The following SPTA1 variants were observed in gnomAD, a reference collection of about 807,000 sequenced individuals.
The protein encoded by SPTA1 is spectrin alpha, erythrocytic 1.
In SPTA1, 177 loss-of-function variants were observed where a neutral mutation model predicts 324.7. The observed-to-expected ratio is 0.55, with a 90% confidence interval of 0.48 to 0.62. The LOEUF is 0.62. SPTA1 is among the 20% of genes least tolerant of loss of function. The pLI is 0.00. For synonymous variants in SPTA1, 1,195 were observed against 1,041.3 expected (o/e 1.15, Z -2.84); for missense variants, 3,162 against 2,883.6 (o/e 1.10, Z -2.21).
chr1:158,647,664 A>C lies in SPTA1; in HGVS notation c.3771T>G (p.Thr1257=), dbSNP rs1652099546. The change falls in exon 27 of 52, where the codon ACT becomes ACG. Residue 1257 remains threonine, a synonymous_variant. Coordinates refer to ENST00000643759, the MANE Select transcript of SPTA1 (RefSeq NM_003126.4). ...CCATTTTCTGTCTCTGCAGGTCCTC[A>C]GTGGCATCTGGATGGGACTCACTGA... ...ERLSESHPDA[T]EDLQRQKMEL... is the part of the protein sequence containing the mutation. 1.2e-6 allele frequency: 2 copies of C among 1,613,838 alleles called. No homozygotes were observed. Among genetic ancestry groups the C allele is most frequent in the Non-Finnish European group, 8.5e-7 (1 of 1,179,912 alleles).
At chr1:158,673,076 T>G (rs1180288803) in intron 10 of SPTA1, among the ~76,000 whole-genome samples, 1 of 152,152 alleles carries the variant, frequency 6.6e-6, no homozygotes, top group Non-Finnish European at 1.5e-5. Flanking sequence ...GAACTGAGGT[T>G]GGCCACTGCA....
intron 16 of SPTA1, among the ~76,000 whole-genome samples, chr1:158,665,366 T>C (rs968612941): frequency 1.1e-4 from 17 of 152,168 alleles, no homozygotes; most frequent in African/African-American, 4.1e-4. Context: ...CTGTTTTCTG[T>C]AGATTATTCT....
chr1:158,646,841 C>T (rs1652029796), intron 27 of SPTA1, among the ~76,000 whole-genome samples: 1 of 152,168 alleles, frequency 6.6e-6, no homozygotes, highest in Non-Finnish European at 1.5e-5. Flanking sequence ...ATGCTCCTCT[C>T]AGCTGACTGA....
Position 158,623,041 on chromosome 1 carries a change from A to C in SPTA1, c.6062T>G (p.Leu2021Arg). The change falls in exon 43 of 52, where the codon CTG becomes CGG. Residue 2021 changes from leucine (L) to arginine (R), a missense_variant. Physicochemically the swap from Leu to Arg is moderately radical, Grantham distance 102 (BLOSUM62 -2). Coordinates refer to ENST00000643759, the MANE Select transcript of SPTA1 (RefSeq NM_003126.4). ...CTGTCTGTGGACTGCCGAGGCTTCC[A>C]GCAACTGTTCCCAGCGCTTCAGCAG... is the stretch of plus-strand genomic sequence containing the variant. Reference protein sequence around the residue: ...AALLKRWEQLLEASAVHRQKL... With the variant: ...AALLKRWEQLREASAVHRQKL... The C allele has an allele frequency of 6.2e-7, 1 of 1,614,182 alleles. No individual in the cohort carries two copies. The highest frequency in any genetic ancestry group is 8.5e-7 in the Non-Finnish European group (1 of 1,180,034).
Position 158,611,265 on chromosome 1 carries a change from TAGTTGCC to T in SPTA1, c.7252_7258del (p.Gly2418AsnfsTer12), listed in dbSNP as rs746931020. The T allele has an allele frequency of 1.7e-5, 27 of 1,613,498 alleles. No homozygotes were observed. The highest frequency in any genetic ancestry group is 2.2e-5 in the Non-Finnish European group (26 of 1,179,688). ...CTACGATCCACGAGGAGCTGCTTATTAGTTGCCAAAGTAGGAATTGGTGAAGCCAACG... is the reference window on the plus strand; with the variant it reads ...CTACGATCCACGAGGAGCTGCTTATTAAAGTAGGAATTGGTGAAGCCAACG... On this transcript the variant is annotated frameshift_variant and stop_lost, in exon 52 of 52. Coordinates refer to ENST00000643759, the MANE Select transcript of SPTA1 (RefSeq NM_003126.4). LOFTEE classifies it high-confidence loss of function.
intron 51 of SPTA1, chr1:158,612,585 T>C (rs1649326007): frequency 2.0e-5 from 11 of 537,528 alleles, no homozygotes; most frequent in South Asian, 1.9e-4. Context: ...CCTTAAAAAC[T>C]GAGTTGCAGA....
chr1:158,665,517 T>C (rs1653530650), intron 16 of SPTA1, among the ~76,000 whole-genome samples: 1 of 152,180 alleles, frequency 6.6e-6, no homozygotes, highest in African/African-American at 2.4e-5. Flanking sequence ...AGAAATTGAA[T>C]GGGCTGGAAG....
At position 158,626,945 on chromosome 1, in the gene SPTA1, C is replaced by G; in HGVS notation, c.5727G>C (p.Lys1909Asn). 1 of 1,613,954 alleles carries G rather than the reference C, an allele frequency of 6.2e-7. No homozygotes were observed. Among genetic ancestry groups the G allele is most frequent in the Non-Finnish European group, 8.5e-7 (1 of 1,179,850 alleles). ...ISSKIEALNEKTPSLAKAIAA... is the reference protein window; with the variant it reads ...ISSKIEALNENTPSLAKAIAA... ...CTATTGCCTTAGCCAGAGAAGGGGT[C>G]TTTTCATTCAGAGCCTCTATCTTGG... is the stretch of plus-strand genomic sequence containing the variant. The change falls in exon 41 of 52, where the codon AAG becomes AAC. Residue 1909 changes from lysine to asparagine, a missense_variant. Coordinates refer to ENST00000643759, the MANE Select transcript of SPTA1 (RefSeq NM_003126.4).
At chr1:158,668,155 T>C in intron 14 of SPTA1, 93 bp from the exon 15 acceptor site, 3 of 1,337,350 alleles carry the variant, frequency 2.2e-6, no homozygotes. Context: ...ACTATAAATC[T>C]AACGAACGAT....
chr1:158,622,862 T>C (rs1650005150), intron 43 of SPTA1, 121 bp downstream of exon 43: 2 of 965,482 alleles, frequency 2.1e-6, no homozygotes, highest in Non-Finnish European at 3.3e-6. Context: ...CTTCCCAACA[T>C]CTTTCAATGC....
chr1:158,672,241 T>G (rs558067662), intron 10 of SPTA1, 45 bp from the exon 11 acceptor site: 9 of 1,541,544 alleles, frequency 5.8e-6, no homozygotes, highest in Middle Eastern at 1.8e-4. Flanking sequence ...AATTAATTTA[T>G]TTTATTCTAT....
At chr1:158,683,844 T>TA (rs35392691) in intron 2 of SPTA1, among the ~76,000 whole-genome samples, 48 of 150,864 alleles carry the variant, frequency 3.2e-4, no homozygotes, top group Non-Finnish European at 4.9e-4. Context: ...TAATGGTTTT[T>TA]AAAAAAAAAA....
At chr1:158,632,467 C>A (rs1650747677) in intron 39 of SPTA1, among the ~76,000 whole-genome samples, 1 of 151,960 alleles carries the variant, frequency 6.6e-6, no homozygotes, top group African/African-American at 2.4e-5. Context: ...TAAAACAAAT[C>A]AAAATGAACA....
rs147573740 is a variant in SPTA1, at chr1:158,657,629, G to A, written c.2653C>T (p.Arg885Cys). 1.1e-5 allele frequency: 18 copies of A among 1,614,040 alleles called. No individual in the cohort carries two copies. The Middle Eastern group carries it at 5.0e-4, about 44-fold the overall frequency. The change falls in exon 19 of 52, where the codon CGT becomes TGT. Residue 885 changes from arginine to cysteine, a missense_variant. By Grantham distance (180) the Arg-to-Cys change is radical (BLOSUM62 -3). Coordinates refer to ENST00000643759, the MANE Select transcript of SPTA1 (RefSeq NM_003126.4). Reference sequence around the variant, plus strand: ...TTTTGTCGCCTAGCAGCTCGAGCACGGAGAGACTCCATATTCTGGTTCAAA... The same window carrying A: ...TTTTGTCGCCTAGCAGCTCGAGCACAGAGAGACTCCATATTCTGGTTCAAA... ...KSLNQNMESL[R>C]ARAARRQNDL...
chr1:158,678,885 T>A (rs1335388487), intron 5 of SPTA1, among the ~76,000 whole-genome samples: 2 of 152,188 alleles, frequency 1.3e-5, no homozygotes, highest in Admixed American at 6.6e-5. Context: ...ATTCCTTTTA[T>A]GAAATACAAC....
chr1:158,683,092 G>A (rs965401468), intron 3 of SPTA1, among the ~76,000 whole-genome samples: 5 of 152,160 alleles, frequency 3.3e-5, no homozygotes, highest in African/African-American at 9.7e-5. Context: ...TGGATAATGT[G>A]GAACAGGTTT....
intron 24 of SPTA1, among the ~76,000 whole-genome samples, chr1:158,650,393 C>A (rs552041038): frequency 6.6e-6 from 1 of 152,250 alleles, no homozygotes; most frequent in African/African-American, 2.4e-5. Context: ...ACCTTCTTAT[C>A]CCATAACAAC....
In SPTA1 at chr1:158,668,012, C is replaced by T; in HGVS notation, c.1884G>A (p.Lys628=). ...GCTGGGTCTTATTAACTGCCAACTCCTTTTCAAAGACTTGCTGCTTTTGAA... is the reference window on the plus strand; with the variant it reads ...GCTGGGTCTTATTAACTGCCAACTCTTTTTCAAAGACTTGCTGCTTTTGAA... ...SRVQKQQVFE[K]ELAVNKTQLE... is the part of the protein sequence containing the mutation. The change falls in exon 15 of 52, where the codon AAG becomes AAA. Residue 628 remains lysine, a synonymous_variant. Coordinates refer to ENST00000643759, the MANE Select transcript of SPTA1 (RefSeq NM_003126.4). The T allele has an allele frequency of 2.5e-6, 4 of 1,613,258 alleles. No homozygotes were observed. In the South Asian group the frequency reaches 4.4e-5, roughly 18 times the overall value.
At chr1:158,675,067 A>T (rs540504287) in intron 8 of SPTA1, among the ~76,000 whole-genome samples, 1 of 152,294 alleles carries the variant, frequency 6.6e-6, no homozygotes, top group East Asian at 1.9e-4. Flanking sequence ...TAGCATTAGG[A>T]TTCCTCATCT....
Sources: allele counts gnomAD v4.1 joint callset (sites outside exome capture counted in the v4.1 genomes callset), GRCh38; gene constraint gnomAD v4.1.1; transcripts MANE v1.5; gene names NCBI Gene and HGNC (gene_info 2026-07-23, HGNC 2026-07-21).